Variants in C12orf42 observed in about 807,000 individuals in gnomAD.
The protein encoded by C12orf42 is uncharacterized protein C12orf42.
In C12orf42, 25 loss-of-function variants were observed where a neutral mutation model predicts 21.6. That is an observed-to-expected ratio of 1.16 (90% CI 0.84 to 1.62). The LOEUF (loss-of-function observed/expected upper bound fraction) is 1.62, where lower values mean the gene tolerates loss of function less well. C12orf42 is among the 40% of genes most tolerant of loss of function. The pLI is 0.00. For missense variants in C12orf42, 483 were observed against 459.3 expected (o/e 1.05, Z -0.47); for synonymous variants, 174 against 175.0 (o/e 0.99, Z 0.05).
chr12:103,309,420 G>A (rs1165127590), intron 4 of C12orf42, among the ~76,000 whole-genome samples: 2 of 152,070 alleles, frequency 1.3e-5, no homozygotes, highest in African/African-American at 4.8e-5. Flanking sequence ...TAAGAATACA[G>A]TATATAATAC....
intron 1 of C12orf42, among the ~76,000 whole-genome samples, chr12:103,486,526 G>C (rs1186391231): frequency 6.6e-6 from 1 of 152,108 alleles, no homozygotes; most frequent in South Asian, 2.1e-4. Flanking sequence ...AATAATTTCA[G>C]AAGGAATGGT....
the C12orf42 span, among the ~76,000 whole-genome samples, chr12:103,152,241 G>C: frequency 6.6e-6 from 1 of 152,180 alleles, no homozygotes; most frequent in Non-Finnish European, 1.5e-5. Context: ...CCTGAGCAGA[G>C]TATCCAGTTG....
the C12orf42 span, among the ~76,000 whole-genome samples, chr12:103,546,958 A>C: frequency 6.6e-6 from 1 of 152,220 alleles, no homozygotes; most frequent in Non-Finnish European, 1.5e-5. Flanking sequence ...TTGTACCTTT[A>C]TCCAACCACA....
chr12:103,184,570 T>C, the C12orf42 span, among the ~76,000 whole-genome samples: 2 of 152,088 alleles, frequency 1.3e-5, no homozygotes, highest in African/African-American at 4.8e-5. Context: ...GGAATGGCTA[T>C]GTAGTGCTCT....
chr12:103,527,400 G>A, the C12orf42 span, among the ~76,000 whole-genome samples: 7 of 152,268 alleles, frequency 4.6e-5, no homozygotes, highest in African/African-American at 1.4e-4. Context: ...GGGGCCTAAT[G>A]GAAGGAGTTT....
chr12:103,159,387 A>G, the C12orf42 span: 1 of 152,184 alleles, frequency 6.6e-6, no homozygotes, highest in African/African-American at 2.4e-5. Flanking sequence ...AGTGCCTGCC[A>G]TATATACTAG....
intron 4 of C12orf42, among the ~76,000 whole-genome samples, chr12:103,328,267 A>G (rs1400331586): frequency 6.6e-6 from 1 of 152,222 alleles, no homozygotes; most frequent in Non-Finnish European, 1.5e-5. Flanking sequence ...AGGGAGAACT[A>G]AATGCTCTAA....
chr12:103,332,673 G>A (rs991746245), intron 4 of C12orf42, among the ~76,000 whole-genome samples: 2 of 152,234 alleles, frequency 1.3e-5, no homozygotes, highest in Non-Finnish European at 2.9e-5. Context: ...CCCAGGCTAC[G>A]TACTGGGTAG....
chr12:103,368,955 A>C lies in C12orf42; in HGVS notation c.191T>G (p.Phe64Cys). ...AGAGAAATTCTTCATGTGATTAATGAATCTGGAGCAGGGTACTGAAGTTCT... is the reference window on the plus strand; with the variant it reads ...AGAGAAATTCTTCATGTGATTAATGCATCTGGAGCAGGGTACTGAAGTTCT... The part of the protein sequence containing the change: ...YERTSVPCSR[F>C]INHMKNFSES... Residue 64 changes from phenylalanine to cysteine, a missense_variant, in exon 4 of 6, where the codon TTC (phenylalanine) becomes TGC (cysteine). By Grantham distance (205) the Phe-to-Cys change is radical (BLOSUM62 -2). Transcript: ENST00000548883. 6.2e-7 allele frequency: 1 copy of C among 1,600,986 alleles called. No homozygotes were observed. Among genetic ancestry groups the C allele is most frequent in the Non-Finnish European group, 8.5e-7 (1 of 1,172,436 alleles).
intron 10 of C12orf42, among the ~76,000 whole-genome samples, chr12:103,256,111 T>TATATATATATATAC (rs1439188517): frequency 3.0e-5 from 1 of 33,862 alleles, no homozygotes; most frequent in Non-Finnish European, 5.3e-5. Flanking sequence ...TATATATATA[T>TATATATATATATAC]ACACACACAC....
At chr12:103,547,304 T>C in the C12orf42 span, among the ~76,000 whole-genome samples, 2 of 152,236 alleles carry the variant, frequency 1.3e-5, no homozygotes, top group Non-Finnish European at 2.9e-5. Context: ...TTGTGGCTAG[T>C]AGCTAATGCA....
At chr12:103,102,380 C>T in the C12orf42 span, among the ~76,000 whole-genome samples, 1 of 152,190 alleles carries the variant, frequency 6.6e-6, no homozygotes, top group Non-Finnish European at 1.5e-5. Flanking sequence ...TCAACACTGT[C>T]ATCATTTCCA....
chr12:103,236,827 C>T (rs1319831167), downstream of C12orf42, among the ~76,000 whole-genome samples: 1 of 152,040 alleles, frequency 6.6e-6, no homozygotes, highest in Non-Finnish European at 1.5e-5. Context: ...ATTAAATCAC[C>T]ATTTCATGAG....
the C12orf42 span, among the ~76,000 whole-genome samples, chr12:103,528,673 C>G: frequency 1.3e-5 from 2 of 152,178 alleles, no homozygotes; most frequent in African/African-American, 2.4e-5. Context: ...CCACCTGAGG[C>G]CCTCACCAGA....
At chr12:103,402,043 A>T (rs1243643321) in intron 2 of C12orf42, among the ~76,000 whole-genome samples, 1 of 152,208 alleles carries the variant, frequency 6.6e-6, no homozygotes, top group Non-Finnish European at 1.5e-5. Flanking sequence ...TTGCCATGTG[A>T]CTTTGATGTA....
intron 2 of C12orf42, among the ~76,000 whole-genome samples, chr12:103,434,822 G>T (rs1168380463): frequency 6.6e-6 from 1 of 152,302 alleles, no homozygotes; most frequent in African/African-American, 2.4e-5. Flanking sequence ...CGAGGCTGGG[G>T]GAGGGGCGAC....
chr12:103,555,657 C>T, the C12orf42 span, among the ~76,000 whole-genome samples: 45 of 152,216 alleles, frequency 3.0e-4, no homozygotes, highest in Admixed American at 1.7e-3. Context: ...AAAGCTCAGG[C>T]GCCACCCTAG....
chr12:103,363,935 A>T (rs1335756199), intron 4 of C12orf42, among the ~76,000 whole-genome samples: 11 of 152,146 alleles, frequency 7.2e-5, no homozygotes, highest in African/African-American at 2.7e-4. Flanking sequence ...TAGACAGGCC[A>T]TCATGGCAGA....
intron 4 of C12orf42, among the ~76,000 whole-genome samples, chr12:103,314,686 G>A (rs1330749802): frequency 6.6e-6 from 1 of 152,118 alleles, no homozygotes; most frequent in Admixed American, 6.5e-5. Context: ...GTGAAACATG[G>A]CCAGGGAATT....
Sources: gnomAD v4.1 joint callset for allele counts (sites outside exome capture counted in the v4.1 genomes callset) on GRCh38, gnomAD v4.1.1 for gene constraint, MANE v1.5 for transcripts, NCBI Gene and HGNC (gene_info 2026-07-23, HGNC 2026-07-21) for gene names.